The following LUZP2 variants were observed in gnomAD, a reference collection of about 807,000 sequenced individuals.
The protein encoded by LUZP2 is leucine zipper protein 2.
In LUZP2, 52 loss-of-function variants were observed where a neutral mutation model predicts 51.6. The ratio of observed to expected loss-of-function variants is 1.01; its 90% CI spans 0.81 to 1.27. The LOEUF (loss-of-function observed/expected upper bound fraction) is 1.27, where lower values mean the gene tolerates loss of function less well. Among genes scored for constraint, LUZP2 ranks in the 50% most tolerant of loss-of-function variants. LUZP2 has a pLI of 0.00. For missense variants in LUZP2, 436 were observed against 395.4 expected (o/e 1.10, Z -0.87); for synonymous variants, 154 against 137.3 (o/e 1.12, Z -0.85).
intron 9 of LUZP2, among the ~76,000 whole-genome samples, chr11:25,016,845 C>A (rs1049927130): frequency 1.3e-5 from 2 of 151,912 alleles, no homozygotes; most frequent in African/African-American, 4.8e-5. Context: ...TTTGAGAAAT[C>A]GTCACACGTT....
At chr11:24,969,500 G>A (rs1459815441) in intron 7 of LUZP2, among the ~76,000 whole-genome samples, 1 of 151,940 alleles carries the variant, frequency 6.6e-6, no homozygotes, top group Non-Finnish European at 1.5e-5. Flanking sequence ...CAGTATAGCT[G>A]TTCTCTTTTA....
intron 9 of LUZP2, among the ~76,000 whole-genome samples, chr11:25,025,535 A>G (rs1857465178): frequency 6.6e-6 from 1 of 152,210 alleles, no homozygotes; most frequent in Non-Finnish European, 1.5e-5. Context: ...CCCAACAGAC[A>G]CATGAAAAAA....
At chr11:24,620,069 A>G (rs1590252066) in intron 1 of LUZP2, among the ~76,000 whole-genome samples, 1 of 152,298 alleles carries the variant, frequency 6.6e-6, no homozygotes, top group South Asian at 2.1e-4. Flanking sequence ...TGCCAGACGT[A>G]CTTTGTGGAT....
intron 5 of LUZP2, among the ~76,000 whole-genome samples, chr11:24,810,397 A>T (rs1343507596): frequency 6.6e-6 from 1 of 152,178 alleles, no homozygotes; most frequent in Non-Finnish European, 1.5e-5. Context: ...AAATAAACAC[A>T]TCTGTTGTCA....
At chr11:24,601,991 T>C (rs1853678101) in intron 1 of LUZP2, among the ~76,000 whole-genome samples, 1 of 70,118 alleles carries the variant, frequency 1.4e-5, no homozygotes, top group African/African-American at 6.7e-5. Context: ...TATATATGTG[T>C]ATATATGTAT....
At chr11:24,848,996 G>T (rs1453377010) in intron 5 of LUZP2, among the ~76,000 whole-genome samples, 1 of 151,948 alleles carries the variant, frequency 6.6e-6, no homozygotes, top group South Asian at 2.1e-4. Context: ...AGTGGGGAAG[G>T]TATAAAGCCA....
At chr11:24,799,909 G>T (rs544560629) in intron 5 of LUZP2, among the ~76,000 whole-genome samples, 161 of 152,214 alleles carry the variant, frequency 1.1e-3, no homozygotes, top group African/African-American at 3.7e-3. Flanking sequence ...TAGGCATTGA[G>T]CATATCTTCC....
intron 9 of LUZP2, among the ~76,000 whole-genome samples, chr11:25,014,305 G>A (rs1206638476): frequency 6.6e-6 from 1 of 152,136 alleles, no homozygotes; most frequent in Non-Finnish European, 1.5e-5. Context: ...TCTAGTTCTA[G>A]ATCCCTGAGG....
At chr11:24,733,199 CTTA>C (rs980212286) in intron 3 of LUZP2, among the ~76,000 whole-genome samples, 16 of 151,762 alleles carry the variant, frequency 1.1e-4, no homozygotes, top group South Asian at 4.1e-4. Context: ...TACATGGACT[CTTA>C]TTATTATTTA....
Position 24,627,070 on chromosome 11 carries a change from G to T in LUZP2, c.63-102099G>T, listed in dbSNP as rs116653579. ...AAAAAGTTAATAAACACTTTTGATTGAGTAGAAAGACAATAATAAATCAGC... is the reference window on the plus strand; with the variant it reads ...AAAAAGTTAATAAACACTTTTGATTTAGTAGAAAGACAATAATAAATCAGC... On this transcript the variant is annotated intron_variant, in intron 1 of 11. Coordinates refer to ENST00000336930, the MANE Select transcript of LUZP2 (RefSeq NM_001009909.4). Among the ~76,000 whole-genome samples, 598 of 152,244 alleles carry T rather than the reference G, an allele frequency of 3.9e-3. 5 individuals are homozygous for T. Among genetic ancestry groups the T allele is most frequent in the African/African-American group, 0.013 (559 of 41,534 alleles).
chr11:24,860,957 G>C (rs1318102850), intron 5 of LUZP2, among the ~76,000 whole-genome samples: 1 of 152,182 alleles, frequency 6.6e-6, no homozygotes, highest in Non-Finnish European at 1.5e-5. Context: ...TGGAGGATCA[G>C]ATGGATGAAT....
chr11:24,650,403 A>G (rs923992775), intron 1 of LUZP2, among the ~76,000 whole-genome samples: 3 of 151,332 alleles, frequency 2.0e-5, no homozygotes, highest in African/African-American at 4.8e-5. Flanking sequence ...CATACATGCA[A>G]CAACACACAC....
intron 1 of LUZP2, among the ~76,000 whole-genome samples, chr11:24,593,103 A>T (rs949573499): frequency 6.6e-6 from 1 of 152,146 alleles, no homozygotes; most frequent in African/African-American, 2.4e-5. Flanking sequence ...TTAGGCCTTG[A>T]GGAGAGTGCT....
intron 4 of LUZP2, among the ~76,000 whole-genome samples, chr11:24,751,239 C>A (rs149800957): frequency 6.6e-6 from 1 of 152,088 alleles, no homozygotes; most frequent in South Asian, 2.1e-4. Context: ...AAGAAGCATG[C>A]GAAAAACCCA....
At chr11:24,949,894 T>C (rs1855027304) in intron 7 of LUZP2, among the ~76,000 whole-genome samples, 1 of 151,594 alleles carries the variant, frequency 6.6e-6, no homozygotes, top group Non-Finnish European at 1.5e-5. Context: ...TCTTCTTTCT[T>C]GCCTGAGATA....
chr11:24,513,803 CT>C (rs1850383354), intron 1 of LUZP2, among the ~76,000 whole-genome samples: 1 of 152,186 alleles, frequency 6.6e-6, no homozygotes, highest in South Asian at 2.1e-4. Flanking sequence ...AGATCACCAC[CT>C]TTTGTCTCTC....
intron 10 of LUZP2, among the ~76,000 whole-genome samples, chr11:25,072,376 T>C (rs2028860): frequency 0.97 from 147,819 of 152,210 alleles, 71,928 homozygotes; most frequent in East Asian, 1. Context: ...ATAATAGAAA[T>C]TCAGTAAATG....
At chr11:25,046,452 T>C (rs1156854816) in intron 9 of LUZP2, among the ~76,000 whole-genome samples, 3 of 152,162 alleles carry the variant, frequency 2.0e-5, no homozygotes, top group Non-Finnish European at 2.9e-5. Context: ...GCAATAAACA[T>C]GTCCACTACC....
At chr11:24,602,383 T>G (rs1332892996) in intron 1 of LUZP2, among the ~76,000 whole-genome samples, 1 of 43,140 alleles carries the variant, frequency 2.3e-5, no homozygotes, top group Non-Finnish European at 5.1e-5. Context: ...TGTATATATA[T>G]ATATACACAC....
Sources: allele counts gnomAD v4.1 joint callset (sites outside exome capture counted in the v4.1 genomes callset), GRCh38; gene constraint gnomAD v4.1.1; transcripts MANE v1.5; gene names NCBI Gene and HGNC (gene_info 2026-07-23, HGNC 2026-07-21).